Variants in RNF220 observed in about 807,000 individuals in gnomAD.
RNF220 encodes the protein E3 ubiquitin-protein ligase RNF220.
Under a neutral mutation model 67.1 loss-of-function variants are expected in RNF220, and 7 were observed. The ratio of observed to expected loss-of-function variants is 0.10; its 90% CI spans 0.06 to 0.20. The LOEUF is 0.20. RNF220 is among the 10% of genes least tolerant of loss of function. The probability of loss-of-function intolerance (pLI) is 1.00; values close to 1 mark genes in which losing one functional copy is unlikely to be tolerated. For missense variants in RNF220, 565 were observed against 740.3 expected, an observed-to-expected ratio of 0.76 and a Z score of 2.75; for synonymous variants, 270 against 283.2, an observed-to-expected ratio of 0.95 and a Z score of 0.47.
intron 2 of RNF220, among the ~76,000 whole-genome samples, chr1:44,452,423 G>A (rs1453806243): frequency 2.6e-5 from 4 of 151,890 alleles, no homozygotes; most frequent in South Asian, 4.2e-4. Context: ...GCTTGGTGGC[G>A]GGCGCCTGTA....
At chr1:44,608,735 A>C (rs1557432735) in intron 2 of RNF220, among the ~76,000 whole-genome samples, 1 of 152,220 alleles carries the variant, frequency 6.6e-6, no homozygotes, top group Non-Finnish European at 1.5e-5. Flanking sequence ...CAATAACCAG[A>C]TATATGGGTA....
chr1:44,501,781 G>C (rs934582602), intron 2 of RNF220, among the ~76,000 whole-genome samples: 3 of 152,000 alleles, frequency 2.0e-5, no homozygotes, highest in Admixed American at 6.6e-5. Flanking sequence ...AGGGGGGCTG[G>C]GTGGCTTGGG....
intron 8 of RNF220, among the ~76,000 whole-genome samples, chr1:44,636,803 A>G: frequency 6.6e-6 from 1 of 152,356 alleles, no homozygotes; most frequent in Non-Finnish European, 1.5e-5. Flanking sequence ...CAGTTGCTAC[A>G]AAGGAGTGTG....
At chr1:44,635,055 G>A (rs1288368769) in intron 6 of RNF220, among the ~76,000 whole-genome samples, 3 of 152,316 alleles carry the variant, frequency 2.0e-5, no homozygotes, top group Non-Finnish European at 4.4e-5. Context: ...GATGCTAGGA[G>A]CTGTACCTCA....
chr1:44,534,588 T>C (rs927615617), intron 2 of RNF220, among the ~76,000 whole-genome samples: 2 of 152,228 alleles, frequency 1.3e-5, no homozygotes, highest in Non-Finnish European at 2.9e-5. Context: ...GGTTTGGAGA[T>C]GTTAATGGCC....
At chr1:44,632,608 G>A in intron 6 of RNF220, 2 of 591,776 alleles carry the variant, frequency 3.4e-6, no homozygotes, top group Admixed American at 3.0e-5. Context: ...CCTCTCTAAA[G>A]GCCCTGAAGA....
intron 2 of RNF220, among the ~76,000 whole-genome samples, chr1:44,520,597 G>A (rs908345604): frequency 2.0e-5 from 3 of 152,144 alleles, no homozygotes; most frequent in African/African-American, 7.2e-5. Flanking sequence ...TCCTCCCTGC[G>A]TCTTGCCCAT....
Position 44,650,157 on chromosome 1 carries a change from T to TC in RNF220, c.1629+205dup, listed in dbSNP as rs1644753009. Reference sequence around the variant, plus strand: ...CCCCAACTGCAGGTTTAGGAACTTCTCCCCCTCCATGAGTTCACTGCATTC... The same window carrying TC: ...CCCCAACTGCAGGTTTAGGAACTTCTCCCCCCTCCATGAGTTCACTGCATTC... On this transcript the variant is annotated intron_variant, in intron 14 of 14. Transcript: ENST00000361799. The surrounding 1 kb of genome is among the most constrained non-coding windows in gnomAD (Gnocchi z 4.3). The TC allele has an allele frequency of 1.6e-5, 10 of 612,128 alleles. 1 individual carries two copies. The South Asian group carries it at 2.0e-4, about 12-fold the overall frequency. 37.9% of individuals were successfully genotyped at this position (612,128 alleles called of 1,614,324 possible).
At chr1:44,644,872 T>C (rs1044357721) in intron 9 of RNF220, 78 bp downstream of exon 9, 8 of 1,519,684 alleles carry the variant, frequency 5.3e-6, no homozygotes, top group Admixed American at 5.1e-5. Context: ...TCTTCTAGTA[T>C]TCACCTGCAC....
At chr1:44,535,062 G>T (rs1388842769) in intron 2 of RNF220, among the ~76,000 whole-genome samples, 2 of 152,082 alleles carry the variant, frequency 1.3e-5, no homozygotes, top group African/African-American at 4.8e-5. Flanking sequence ...TCGGGGGTAG[G>T]GGCTGGGAAC....
intron 2 of RNF220, among the ~76,000 whole-genome samples, chr1:44,546,461 G>A (rs529304058): frequency 2.6e-5 from 4 of 152,230 alleles, no homozygotes; most frequent in Non-Finnish European, 2.9e-5. Context: ...AATATTCCAC[G>A]TTAGAGCTCA....
chr1:44,535,763 C>A (rs1661172269), intron 2 of RNF220, among the ~76,000 whole-genome samples: 1 of 152,138 alleles, frequency 6.6e-6, no homozygotes, highest in Non-Finnish European at 1.5e-5. Context: ...TAGTAGAGGT[C>A]TGGGAGATTG....
chr1:44,521,758 C>G (rs1193120285), intron 2 of RNF220, among the ~76,000 whole-genome samples: 2 of 152,166 alleles, frequency 1.3e-5, no homozygotes, highest in Non-Finnish European at 2.9e-5. Flanking sequence ...CCCAAGGCCC[C>G]CACTAGACTG....
intron 2 of RNF220, among the ~76,000 whole-genome samples, chr1:44,420,680 G>A (rs1284863501): frequency 1.3e-5 from 2 of 152,192 alleles, no homozygotes; most frequent in African/African-American, 4.8e-5. Context: ...CTGGAGTTAA[G>A]TCCTGACGTG....
intron 2 of RNF220, among the ~76,000 whole-genome samples, chr1:44,588,135 A>G (rs1665843373): frequency 6.6e-6 from 1 of 152,194 alleles, no homozygotes; most frequent in Admixed American, 6.5e-5. Context: ...GGCTGGGTAG[A>G]GCTGGGCAAG....
intron 2 of RNF220, among the ~76,000 whole-genome samples, chr1:44,567,237 G>A (rs1320775924): frequency 1.3e-5 from 2 of 152,096 alleles, no homozygotes; most frequent in Non-Finnish European, 2.9e-5. Flanking sequence ...ACTTGGAAGA[G>A]TGTTGTTTTG....
chr1:44,439,570 T>A (rs913966719), intron 2 of RNF220, among the ~76,000 whole-genome samples: 1 of 152,178 alleles, frequency 6.6e-6, no homozygotes, highest in Non-Finnish European at 1.5e-5. Flanking sequence ...GTTTTATGCC[T>A]TGTGGAGCAG....
chr1:44,646,574 G>T (rs1644655515), intron 12 of RNF220, among the ~76,000 whole-genome samples: 1 of 152,236 alleles, frequency 6.6e-6, no homozygotes, highest in Non-Finnish European at 1.5e-5. Flanking sequence ...GGGCGGGGTT[G>T]TAAGGGGCAC....
At chr1:44,574,468 G>C (rs1018824345) in intron 2 of RNF220, among the ~76,000 whole-genome samples, 2 of 152,176 alleles carry the variant, frequency 1.3e-5, no homozygotes, top group Admixed American at 6.5e-5. Flanking sequence ...AGTTTAAGAA[G>C]ACTGGGTAAC....
Sources: gnomAD v4.1 joint callset for allele counts (sites outside exome capture counted in the v4.1 genomes callset) on GRCh38, gnomAD v4.1.1 for gene constraint, Gnocchi (gnomAD v3.1) non-coding constraint, MANE v1.5 for transcripts, NCBI Gene and HGNC (gene_info 2026-07-23, HGNC 2026-07-21) for gene names.